The following TLL1 variants were observed in gnomAD, a reference collection of about 807,000 sequenced individuals.
TLL1 encodes the protein tolloid-like protein 1.
Under a neutral mutation model 128.2 loss-of-function variants are expected in TLL1, and 49 were observed. The observed-to-expected ratio is 0.38, with a 90% confidence interval of 0.30 to 0.48. The LOEUF is 0.48. Among genes scored for constraint, TLL1 ranks in the 20% least tolerant of loss-of-function variants. The pLI is 0.96. For missense variants in TLL1, 1,123 were observed against 1,242.0 expected, an observed-to-expected ratio of 0.90 and a Z score of 1.44; for synonymous variants, 454 against 418.8, an observed-to-expected ratio of 1.08 and a Z score of -1.03.
intron 15 of TLL1, among the ~76,000 whole-genome samples, chr4:166,063,794 G>T (rs998395376): frequency 8.5e-5 from 13 of 152,182 alleles, no homozygotes; most frequent in Non-Finnish European, 1.3e-4. Flanking sequence ...TGAACAATGA[G>T]AACACTTGGA....
intron 1 of TLL1, among the ~76,000 whole-genome samples, chr4:165,938,322 A>G (rs1391763498): frequency 2.0e-5 from 3 of 151,990 alleles, no homozygotes; most frequent in Non-Finnish European, 2.9e-5. Flanking sequence ...AGCCTTCATG[A>G]TCTTGATTTT....
intron 13 of TLL1, 139 bp from the exon 14 acceptor site, chr4:166,057,045 C>A: frequency 1.2e-6 from 1 of 866,576 alleles, no homozygotes; most frequent in Non-Finnish European, 1.9e-6. Flanking sequence ...TACCTCTCAC[C>A]AGGTCCCTCT....
intron 8 of TLL1, among the ~76,000 whole-genome samples, chr4:166,015,106 C>T (rs956569176): frequency 2.0e-5 from 3 of 151,904 alleles, no homozygotes; most frequent in Admixed American, 1.3e-4. Flanking sequence ...ATTCATGAAA[C>T]GTCTTAATGT....
chr4:166,058,120 T>C (rs1236192279), intron 14 of TLL1, among the ~76,000 whole-genome samples: 2 of 152,118 alleles, frequency 1.3e-5, no homozygotes, highest in Non-Finnish European at 2.9e-5. Context: ...ATCTAGATTT[T>C]TATCTATCCA....
chr4:166,072,208 T>G lies in TLL1; in HGVS notation c.2189-2670T>G, dbSNP rs554491169. ...ATATTCTAGCCGCCTAACAGATAACTTTTCATTTTCATGCACCCTTGATTA... is the reference window on the plus strand; with the variant it reads ...ATATTCTAGCCGCCTAACAGATAACGTTTCATTTTCATGCACCCTTGATTA... On this transcript the variant is annotated intron_variant, in intron 16 of 20. Coordinates refer to ENST00000061240, the MANE Select transcript of TLL1 (RefSeq NM_012464.5). Among the ~76,000 whole-genome samples, 6 of 152,124 alleles carry G rather than the reference T, an allele frequency of 3.9e-5. No homozygotes were observed. The East Asian group carries it at 9.7e-4, about 25-fold the overall frequency.
intron 17 of TLL1, 132 bp downstream of exon 17, chr4:166,075,135 A>G (rs1740966173): frequency 7.8e-7 from 1 of 1,275,854 alleles, no homozygotes; most frequent in Non-Finnish European, 1.1e-6. Context: ...TCAAAAAACA[A>G]AATTCTGTGT....
chr4:166,002,080 C>T (rs1181019915), intron 5 of TLL1, among the ~76,000 whole-genome samples: 1 of 152,104 alleles, frequency 6.6e-6, no homozygotes, highest in African/African-American at 2.4e-5. Flanking sequence ...GGCTTTTAAA[C>T]AACAAACATT....
At chr4:165,921,971 A>C (rs1464271126) in intron 1 of TLL1, among the ~76,000 whole-genome samples, 1 of 152,236 alleles carries the variant, frequency 6.6e-6, no homozygotes, top group East Asian at 1.9e-4. Context: ...TTATATAATG[A>C]AAATGGCAAA....
At chr4:165,983,286 G>A (rs1311418618) in intron 1 of TLL1, among the ~76,000 whole-genome samples, 2 of 151,768 alleles carry the variant, frequency 1.3e-5, no homozygotes, top group African/African-American at 2.4e-5. Flanking sequence ...ATATTTCAAT[G>A]GATCTTTTGT....
intron 9 of TLL1, among the ~76,000 whole-genome samples, chr4:166,027,378 AG>A: frequency 6.6e-6 from 1 of 152,286 alleles, no homozygotes; most frequent in Admixed American, 6.5e-5. Context: ...TTTTTTTAAA[AG>A]TTTGATGTTC....
At chr4:166,060,793 A>G (rs1372514307) in intron 15 of TLL1, among the ~76,000 whole-genome samples, 3 of 152,208 alleles carry the variant, frequency 2.0e-5, no homozygotes, top group Non-Finnish European at 4.4e-5. Context: ...CCTTTGTGCT[A>G]GTGCACACAC....
chr4:165,947,827 T>C (rs1368867076), intron 1 of TLL1, among the ~76,000 whole-genome samples: 1 of 152,116 alleles, frequency 6.6e-6, no homozygotes, highest in Non-Finnish European at 1.5e-5. Flanking sequence ...AGTGAACCCC[T>C]GTTAAATTAA....
chr4:166,073,426 C>T (rs944418900), intron 16 of TLL1, among the ~76,000 whole-genome samples: 2 of 152,056 alleles, frequency 1.3e-5, no homozygotes, highest in South Asian at 2.1e-4. Context: ...TCTATTAACT[C>T]CTGATTTTTT....
intron 1 of TLL1, among the ~76,000 whole-genome samples, chr4:165,906,504 G>A (rs1385271704): frequency 6.6e-6 from 1 of 152,140 alleles, no homozygotes; most frequent in Non-Finnish European, 1.5e-5. Flanking sequence ...ATAGCTTCTT[G>A]TACTGCTGCT....
At chr4:165,924,144 A>G (rs1733169344) in intron 1 of TLL1, among the ~76,000 whole-genome samples, 1 of 152,176 alleles carries the variant, frequency 6.6e-6, no homozygotes, top group African/African-American at 2.4e-5. Flanking sequence ...ATAACCCTAC[A>G]GTGGCCTCTA....
intron 12 of TLL1, among the ~76,000 whole-genome samples, chr4:166,048,232 G>A (rs893723224): frequency 5.4e-5 from 7 of 130,232 alleles, no homozygotes; most frequent in South Asian, 2.5e-4. Flanking sequence ...GCGAAATTCC[G>A]TCTCGGAAAA....
intron 19 of TLL1, among the ~76,000 whole-genome samples, chr4:166,095,966 T>A (rs1258480631): frequency 1.3e-5 from 2 of 152,164 alleles, no homozygotes; most frequent in Non-Finnish European, 2.9e-5. Flanking sequence ...AAGCATCTTT[T>A]AAAATGACCT....
intron 1 of TLL1, among the ~76,000 whole-genome samples, chr4:165,952,302 G>T (rs1459713095): frequency 6.6e-6 from 1 of 152,058 alleles, no homozygotes; most frequent in Non-Finnish European, 1.5e-5. Flanking sequence ...AAATATTATG[G>T]ATTCAGTATA....
In TLL1 at chr4:166,065,720, T is replaced by C. The variant is rs1445955760; in HGVS notation, c.2045T>C (p.Leu682Pro). 1.2e-6 allele frequency: 2 copies of C among 1,612,136 alleles called. No homozygotes were observed. The highest frequency in any genetic ancestry group is 1.7e-6 in the Non-Finnish European group (2 of 1,179,034). The change falls in exon 16 of 21, where the codon CTT (leucine) becomes CCT (proline). Residue 682 changes from leucine to proline, a missense_variant. Physicochemically the swap from Leu to Pro is moderately conservative, Grantham distance 98 (BLOSUM62 -3). Transcript: ENST00000061240. ...GATTATGTGGAGATCTGGAGTGGTCTTTCCTCTGAGTCTAAACTGCATGGC... is the reference window on the plus strand; with the variant it reads ...GATTATGTGGAGATCTGGAGTGGTCCTTCCTCTGAGTCTAAACTGCATGGC... ...KYDYVEIWSG[L>P]SSESKLHGKF...
Sources: gnomAD v4.1 joint callset for allele counts (sites outside exome capture counted in the v4.1 genomes callset) on GRCh38, gnomAD v4.1.1 for gene constraint, MANE v1.5 for transcripts, NCBI Gene and HGNC (gene_info 2026-07-23, HGNC 2026-07-21) for gene names.